Variants in ZNF90 observed in about 807,000 individuals in gnomAD.
The protein encoded by ZNF90 is zinc finger protein 90, also known as zinc finger protein HTF9.
A neutral mutation model predicts 12.0 loss-of-function variants in ZNF90; 11 were observed. The observed-to-expected ratio is 0.92, with a 90% CI of 0.58 to 1.52. ZNF90 has a LOEUF of 1.52. ZNF90 is among the 40% of genes most tolerant of loss of function. The probability of loss-of-function intolerance (pLI) is 0.00; values close to 1 mark genes in which losing one functional copy is unlikely to be tolerated. For synonymous variants in ZNF90, 232 were observed against 240.1 expected (o/e 0.97, Z 0.31); for missense variants, 765 against 711.5 (o/e 1.08, Z -0.86).
intron 3 of ZNF90, among the ~76,000 whole-genome samples, chr19:20,106,094 A>T (rs1599649687): frequency 3.6e-5 from 1 of 27,598 alleles, no homozygotes; most frequent in Non-Finnish European, 8.3e-5. Context: ...CTCCATGGTT[A>T]ATTTTTTTTC....
At position 20,118,419 on chromosome 19, in the gene ZNF90, A is replaced by G. The variant is rs2089161533; in HGVS notation, c.865A>G (p.Lys289Glu). ...TGGAGAGAAACCCTACAAGTGTGAT[A>G]AATGTGGCAGAGCATTTATTTCATC... ...HTGEKPYKCD[K>E]CGRAFISSSI... The change falls in exon 4 of 4, where the codon AAA becomes GAA. Residue 289 changes from lysine (K) to glutamate (E), a missense_variant. Transcript: ENST00000418063. 1 of 1,611,022 alleles carries G rather than the reference A, an allele frequency of 6.2e-7. No homozygotes were observed. The highest frequency in any genetic ancestry group is 1.3e-5 in the African/African-American group (1 of 74,800).
rs1568288345 is a variant in ZNF90, at chr19:20,104,337, A to G, written c.102A>G (p.Leu34=). The G allele has an allele frequency of 4.3e-6, 7 of 1,614,050 alleles. No homozygotes were observed. Among genetic ancestry groups the G allele is most frequent in the Non-Finnish European group, 5.9e-6 (7 of 1,179,936 alleles). ...AGAATTTATATAGGGATGTGATGTT[A>G]GAGAACTACAGACACCTGGTCTTCC... ...AQQNLYRDVM[L]ENYRHLVFLG... The change falls in exon 2 of 4, where the codon TTA becomes TTG. Residue 34 remains leucine, a synonymous_variant. Transcript: ENST00000418063.
chr19:20,078,093 T>G lies in ZNF90; in HGVS notation c.-40T>G, dbSNP rs2088791078. ...TCTGTGGCCCTGTGACCTGCAGGTA[T>G]TGGGAGATCCACAGCTGAGGGACCC... On this transcript the variant is annotated 5_prime_UTR_variant, in exon 1 of 4. Coordinates refer to ENST00000418063, the MANE Select transcript of ZNF90 (RefSeq NM_007138.2). The G allele has an allele frequency of 6.2e-7, 1 of 1,613,950 alleles. No individual in the cohort carries two copies. Among genetic ancestry groups the G allele is most frequent in the Non-Finnish European group, 8.5e-7 (1 of 1,179,954 alleles).
At position 20,118,087 on chromosome 19, in the gene ZNF90, G is replaced by A. The variant is rs2089156852; in HGVS notation, c.533G>A (p.Cys178Tyr). The change falls in exon 4 of 4, where the codon TGT becomes TAT. Residue 178 changes from cysteine (C) to tyrosine (Y), a missense_variant. Transcript: ENST00000418063. The part of the protein sequence containing the change: ...TGKKPFKCIE[C>Y]GKAFNQSSTL... ...AAAAAACCTTTCAAATGTATAGAAT[G>A]TGGCAAAGCTTTCAACCAGTCCTCA... 6.2e-7 allele frequency: 1 copy of A among 1,613,510 alleles called. No homozygotes were observed. Among genetic ancestry groups the A allele is most frequent in the Admixed American group, 1.7e-5 (1 of 59,860 alleles).
chr19:20,093,880 A>G (rs528534714), intron 1 of ZNF90, among the ~76,000 whole-genome samples: 2 of 138,472 alleles, frequency 1.4e-5, no homozygotes, highest in South Asian at 2.3e-4. Flanking sequence ...GGCAATGTCA[A>G]TCTTCAGTTG....
At position 20,119,519 on chromosome 19, in the gene ZNF90, A is replaced by G; in HGVS notation, c.*159A>G. The G allele has an allele frequency of 2.8e-6, 2 of 704,758 alleles. No individual in the cohort carries two copies. The highest frequency in any genetic ancestry group is 4.3e-5 in the South Asian group (2 of 46,472). 43.7% of individuals were successfully genotyped at this position (704,758 alleles called of 1,614,324 possible). A position where few individuals can be genotyped will look rare whatever the true frequency, so the allele number is the denominator to read the frequency against. ...CCTACAAAAATAAAGAATGTGACAA[A>G]TCATTTTAAGGAAGTTCTCAACCCT... On this transcript the variant is annotated 3_prime_UTR_variant, in exon 4 of 4. Transcript: ENST00000418063.
Position 20,121,150 on chromosome 19 carries a change from A to G in ZNF90, c.*1790A>G, listed in dbSNP as rs75139372. The stretch of plus-strand genomic sequence containing the variant: ...TTTTACTAATTTTATGTAATAAAAT[A>G]CACTACATTAAAAAATTGTTAGATT... On this transcript the variant is annotated 3_prime_UTR_variant, in exon 4 of 4. Transcript: ENST00000418063. 1,657 of 213,602 alleles carry G rather than the reference A, an allele frequency of 7.8e-3. 11 individuals carry two copies. Among genetic ancestry groups the G allele is most frequent in the Non-Finnish European group, 0.013 (1,281 of 99,822 alleles). The allele number at this position is 213,602 out of a possible 1,614,324, so 13.2% of individuals were successfully genotyped here. A position where few individuals can be genotyped will look rare whatever the true frequency, so the allele number is the denominator to read the frequency against.
rs1410104310 is a variant in ZNF90, at chr19:20,120,916, ATTCT to A, written c.*1559_*1562del. ...TGATGCTGCATCAGAGATATTACAG[ATTCT>A]TTATTGGGCATTCCTTATAACCTTT... is the stretch of plus-strand genomic sequence containing the variant. On this transcript the variant is annotated 3_prime_UTR_variant, in exon 4 of 4. Transcript: ENST00000418063. The A allele has an allele frequency of 9.9e-5, 15 of 152,282 alleles. No homozygotes were observed. Among genetic ancestry groups the A allele is most frequent in the African/African-American group, 1.9e-4 (8 of 41,458 alleles). The allele number at this position is 152,282 out of a possible 1,614,324, so 9.4% of individuals were successfully genotyped here.
intron 1 of ZNF90, among the ~76,000 whole-genome samples, chr19:20,079,259 A>C (rs2088802293): frequency 6.6e-6 from 1 of 151,834 alleles, no homozygotes; most frequent in Non-Finnish European, 1.5e-5. Context: ...TAAAGCTTGA[A>C]CCTAGTGATT....
At chr19:20,094,827 T>C (rs1220692372) in intron 1 of ZNF90, among the ~76,000 whole-genome samples, 1 of 152,216 alleles carries the variant, frequency 6.6e-6, no homozygotes, top group Non-Finnish European at 1.5e-5. Context: ...AAACATTGAC[T>C]GATCTGAGAA....
chr19:20,100,060 G>T (rs1555703696), intron 1 of ZNF90, among the ~76,000 whole-genome samples: 1 of 152,146 alleles, frequency 6.6e-6, no homozygotes, highest in Non-Finnish European at 1.5e-5. Context: ...CCCTCTATTA[G>T]AAATGATTAT....
intron 3 of ZNF90, among the ~76,000 whole-genome samples, chr19:20,106,583 A>G (rs1162998936): frequency 1.4e-4 from 21 of 152,274 alleles, no homozygotes; most frequent in African/African-American, 4.8e-4. Context: ...CTTCCCGAGT[A>G]GCTGGGACTA....
intron 3 of ZNF90, among the ~76,000 whole-genome samples, chr19:20,112,506 G>C (rs1015585531): frequency 6.6e-5 from 10 of 151,734 alleles, no homozygotes; most frequent in African/African-American, 2.4e-4. Context: ...ATTTTTAGTA[G>C]AGACGGGGTT....
chr19:20,088,682 CA>C (rs2088878821), intron 1 of ZNF90, among the ~76,000 whole-genome samples: 1 of 152,168 alleles, frequency 6.6e-6, no homozygotes, highest in Admixed American at 6.5e-5. Flanking sequence ...AAGGCCTCGG[CA>C]GTTTTGGAGG....
chr19:20,118,890 A>C lies in ZNF90; in HGVS notation c.1336A>C (p.Ile446Leu). 1 of 1,612,524 alleles carries C rather than the reference A, an allele frequency of 6.2e-7. No homozygotes were observed. Among genetic ancestry groups the C allele is most frequent in the South Asian group, 1.1e-5 (1 of 90,822 alleles). Reference protein sequence around the residue: ...RSSALSTHKIIHSGEKPYKCE... With the variant: ...RSSALSTHKILHSGEKPYKCE... The stretch of plus-strand genomic sequence containing the variant: ...CTCAGCCCTTAGCACACATAAGATA[A>C]TTCATAGTGGAGAGAAACCCTACAA... The change falls in exon 4 of 4, where the codon ATT becomes CTT. Residue 446 changes from isoleucine (I) to leucine (L), a missense_variant. Transcript: ENST00000418063.
intron 3 of ZNF90, chr19:20,106,911 C>T (rs188193892): frequency 8.8e-6 from 4 of 454,486 alleles, no homozygotes; most frequent in Non-Finnish European, 1.8e-5. Flanking sequence ...GTTACAGGGG[C>T]TTGGGTTGTT....
intron 1 of ZNF90, chr19:20,080,179 A>G (rs2088809330): frequency 2.1e-6 from 1 of 484,910 alleles, no homozygotes. Flanking sequence ...ATTGCTGCCC[A>G]GGGGCAGCAC....
intron 1 of ZNF90, among the ~76,000 whole-genome samples, chr19:20,095,423 T>G (rs2088935755): frequency 6.6e-6 from 1 of 151,876 alleles, no homozygotes; most frequent in Non-Finnish European, 1.5e-5. Flanking sequence ...TTTAAGTTCT[T>G]GAGGACACAG....
chr19:20,118,001 A>G lies in ZNF90; in HGVS notation c.447A>G (p.Thr149=). The G allele has an allele frequency of 3.1e-6, 5 of 1,613,068 alleles. No individual in the cohort carries two copies. The highest frequency in any genetic ancestry group is 1.3e-5 in the African/African-American group (1 of 75,020). ...ATQSKVFQCD[T]YVKVSHIFSN... The stretch of plus-strand genomic sequence containing the variant: ...AGAGCAAAGTATTTCAATGTGATAC[A>G]TATGTGAAAGTCTCTCATATATTTT... Residue 149 remains threonine, a synonymous_variant, in exon 4 of 4, where the codon ACA becomes ACG. Transcript: ENST00000418063.
Sources: gnomAD v4.1 joint callset for allele counts (sites outside exome capture counted in the v4.1 genomes callset) on GRCh38, gnomAD v4.1.1 for gene constraint, MANE v1.5 for transcripts, NCBI Gene and HGNC (gene_info 2026-07-23, HGNC 2026-07-21) for gene names.